The following RBM47 variants were observed in gnomAD, a reference collection of about 807,000 sequenced individuals.
RBM47 encodes the protein RNA-binding protein 47.
In RBM47, 21 loss-of-function variants were observed where a neutral mutation model predicts 47.1. The ratio of observed to expected loss-of-function variants is 0.45; its 90% confidence interval spans 0.32 to 0.64. The LOEUF (loss-of-function observed/expected upper bound fraction) is 0.64. RBM47 is among the 30% of genes least tolerant of loss of function. RBM47 has a pLI of 0.05. For missense variants in RBM47, 708 were observed against 870.9 expected (o/e 0.81, Z 2.35); for synonymous variants, 375 against 361.7 (o/e 1.04, Z -0.42).
intron 1 of RBM47, among the ~76,000 whole-genome samples, chr4:40,572,085 T>TG (rs1460152629): frequency 4.1e-5 from 5 of 121,902 alleles, no homozygotes; most frequent in South Asian, 2.5e-4. Flanking sequence ...CAAAAACTAC[T>TG]GGAAAAAAAA....
At chr4:40,612,344 C>T (rs1736336960) in intron 1 of RBM47, among the ~76,000 whole-genome samples, 1 of 152,174 alleles carries the variant, frequency 6.6e-6, no homozygotes, top group African/African-American at 2.4e-5. Flanking sequence ...ACAGCCTCTA[C>T]TAAAAACACA....
chr4:40,568,192 A>AGCTC (rs1731273739), intron 1 of RBM47, among the ~76,000 whole-genome samples: 1 of 151,736 alleles, frequency 6.6e-6, no homozygotes, highest in Non-Finnish European at 1.5e-5. Context: ...TTGGGAGGCG[A>AGCTC]AGGCAGGACG....
rs1553876271 is a variant in RBM47, at chr4:40,431,671, A to AAG, written c.1542+978_1542+979dup. On this transcript the variant is annotated intron_variant, in intron 6 of 6. Coordinates refer to ENST00000295971, the MANE Select transcript of RBM47 (RefSeq NM_001098634.2). Reference sequence around the variant, plus strand: ...AGACTCCGTCTAAAAAAAAAAAAAAAAGAGAGAGAAAATTTATCTAGGAGG... The same window carrying AAG: ...AGACTCCGTCTAAAAAAAAAAAAAAAAGAGAGAGAGAAAATTTATCTAGGAGG... Among the ~76,000 whole-genome samples, 474 of 143,488 alleles carry AAG rather than the reference A, an allele frequency of 3.3e-3. 6 individuals are homozygous for AAG. Among genetic ancestry groups the AAG allele is most frequent in the Non-Finnish European group, 3.7e-3 (244 of 66,142 alleles). The allele number at this position is 143,488 out of a possible 152,430, so 94.1% of individuals were successfully genotyped here.
chr4:40,625,761 G>A (rs890957559), intron 1 of RBM47, among the ~76,000 whole-genome samples: 21 of 152,152 alleles, frequency 1.4e-4, no homozygotes, highest in Admixed American at 1.3e-4. Context: ...GACAAATATC[G>A]TGATTTGGGG....
chr4:40,432,607 G>A (rs757863574), intron 6 of RBM47, 44 bp downstream of exon 6: 6 of 1,607,670 alleles, frequency 3.7e-6, no homozygotes, highest in Admixed American at 1.7e-5. Flanking sequence ...ATGTTAAAGA[G>A]AGGCTTCACA....
chr4:40,518,037 TTTTA>T (rs1026809956), intron 2 of RBM47, among the ~76,000 whole-genome samples: 3 of 152,134 alleles, frequency 2.0e-5, no homozygotes, highest in South Asian at 2.1e-4. Flanking sequence ...GTTGCTTTGC[TTTTA>T]TTTATTTATT....
rs547422397 is a variant in RBM47 at position 40,512,754 on chromosome 4, GAAAGA to G, written c.-155+31663_-155+31667del. 6.6e-3 allele frequency among the ~76,000 whole-genome samples: 1,002 copies of G among 151,138 alleles called. 14 individuals are homozygous for G. Among genetic ancestry groups the G allele is most frequent in the African/African-American group, 0.024 (972 of 41,254 alleles). On this transcript the variant is annotated intron_variant, in intron 2 of 6. Coordinates refer to ENST00000295971, the MANE Select transcript of RBM47 (RefSeq NM_001098634.2). ...AAGAAAGAAAGAAAAGAAAAAAAAGGAAAGAAAAGAAAAGAAAAAGTGTGCTTTTA... is the reference window on the plus strand; with the variant it reads ...AAGAAAGAAAGAAAAGAAAAAAAAGGAAAGAAAAGAAAAAGTGTGCTTTTA...
At chr4:40,582,682 T>A (rs779670543) in intron 1 of RBM47, among the ~76,000 whole-genome samples, 55 of 152,220 alleles carry the variant, frequency 3.6e-4, no homozygotes, top group Non-Finnish European at 7.2e-4. Context: ...TACAAACTTG[T>A]CACGTTTCCT....
At position 40,561,544 on chromosome 4, in the gene RBM47, C is replaced by CTTTTCT. The variant is rs1560470026; in HGVS notation, c.-239-17039_-239-17038insAGAAAA. On this transcript the variant is annotated intron_variant, in intron 1 of 6. Coordinates refer to ENST00000295971, the MANE Select transcript of RBM47 (RefSeq NM_001098634.2). ...CAACTTCTTTTTTGCTTCTTCTTTT[C>CTTTTCT]TTTTTTTTTTCTTTTTTTTTTTTGA... Among the ~76,000 whole-genome samples, 38 of 124,530 alleles carry CTTTTCT rather than the reference C, an allele frequency of 3.1e-4. 1 individual carries two copies. Among genetic ancestry groups the CTTTTCT allele is most frequent in the African/African-American group, 5.7e-4 (17 of 29,574 alleles). The allele number at this position is 124,530 out of a possible 152,430, so 81.7% of individuals were successfully genotyped here. A position where few individuals can be genotyped will look rare whatever the true frequency, so the allele number is the denominator to read the frequency against.
At chr4:40,561,544 C>CTTTTCTT (rs1560470026) in intron 1 of RBM47, among the ~76,000 whole-genome samples, 7 of 124,556 alleles carry the variant, frequency 5.6e-5, no homozygotes, top group African/African-American at 1.4e-4. Context: ...TTCTTCTTTT[C>CTTTTCTT]TTTTTTTTTT....
intron 2 of RBM47, among the ~76,000 whole-genome samples, chr4:40,522,060 A>G (rs1391856876): frequency 2.0e-5 from 3 of 152,230 alleles, no homozygotes; most frequent in Non-Finnish European, 2.9e-5. Flanking sequence ...CAGTGAACCA[A>G]TATTTTCCAA....
chr4:40,504,456 A>T (rs1201983965), intron 2 of RBM47, among the ~76,000 whole-genome samples: 1 of 151,760 alleles, frequency 6.6e-6, no homozygotes, highest in Non-Finnish European at 1.5e-5. Flanking sequence ...ACACCTGACT[A>T]ATCTTTTTGT....
At chr4:40,608,351 A>G (rs1222815500) in intron 1 of RBM47, among the ~76,000 whole-genome samples, 1 of 152,172 alleles carries the variant, frequency 6.6e-6, no homozygotes, top group African/African-American at 2.4e-5. Context: ...CCCAGAACTC[A>G]GCAGAGCGAC....
At chr4:40,470,254 G>C (rs1426122123) in intron 2 of RBM47, among the ~76,000 whole-genome samples, 1 of 151,804 alleles carries the variant, frequency 6.6e-6, no homozygotes, top group Non-Finnish European at 1.5e-5. Flanking sequence ...AAATTGCATA[G>C]ACATCACTCA....
At chr4:40,519,778 T>C (rs1272388690) in intron 2 of RBM47, among the ~76,000 whole-genome samples, 1 of 148,862 alleles carries the variant, frequency 6.7e-6, no homozygotes, top group Admixed American at 6.8e-5. Flanking sequence ...CAAGCAATTC[T>C]CCTGCCTAAG....
chr4:40,537,419 C>A (rs1167131144), intron 2 of RBM47, among the ~76,000 whole-genome samples: 1 of 151,940 alleles, frequency 6.6e-6, no homozygotes, highest in Non-Finnish European at 1.5e-5. Flanking sequence ...CAAGCCACCA[C>A]ACCTGGCTAA....
chr4:40,548,578 A>C (rs1476872407), intron 1 of RBM47, among the ~76,000 whole-genome samples: 1 of 152,258 alleles, frequency 6.6e-6, no homozygotes, highest in African/African-American at 2.4e-5. Flanking sequence ...AAGGTCAGTC[A>C]TCATGGCGTT....
chr4:40,435,887 A>G (rs375244670), intron 5 of RBM47, among the ~76,000 whole-genome samples: 4 of 151,692 alleles, frequency 2.6e-5, no homozygotes, highest in African/African-American at 7.3e-5. Context: ...GGCCAGGCGC[A>G]GTGGCTCACT....
intron 2 of RBM47, among the ~76,000 whole-genome samples, chr4:40,503,389 AG>A (rs1723660009): frequency 6.6e-6 from 1 of 152,168 alleles, no homozygotes; most frequent in African/African-American, 2.4e-5. Flanking sequence ...TTTGCCTCTA[AG>A]GGAGGACAAG....
Sources: allele counts gnomAD v4.1 joint callset (sites outside exome capture counted in the v4.1 genomes callset), GRCh38; gene constraint gnomAD v4.1.1; transcripts MANE v1.5; gene names NCBI Gene and HGNC (gene_info 2026-07-23, HGNC 2026-07-21).